CCDC91: variants seen among roughly 807,000 people sequenced by gnomAD.
CCDC91 encodes the protein coiled-coil domain containing 91, also known as coiled-coil domain-containing protein 91.
A neutral mutation model predicts 63.2 loss-of-function variants in CCDC91; 48 were observed. That is an observed-to-expected ratio of 0.76 (90% CI 0.60 to 0.97). CCDC91 has a LOEUF of 0.97. Among genes scored for constraint, CCDC91 ranks in the 50% least tolerant of loss-of-function variants. CCDC91 has a pLI of 0.00. For synonymous variants in CCDC91, 167 were observed against 165.8 expected, an observed-to-expected ratio of 1.01 and a Z score of -0.06; for missense variants, 500 against 494.6, an observed-to-expected ratio of 1.01 and a Z score of -0.10.
At chr12:28,310,107 T>C (rs1565776802) in intron 6 of CCDC91, among the ~76,000 whole-genome samples, 3 of 152,032 alleles carry the variant, frequency 2.0e-5, no homozygotes, top group Non-Finnish European at 1.5e-5. Flanking sequence ...ACTAATTACA[T>C]TGTGTATAGC....
intron 1 of CCDC91, among the ~76,000 whole-genome samples, chr12:28,207,714 C>T (rs1942955934): frequency 6.6e-6 from 1 of 152,134 alleles, no homozygotes; most frequent in Non-Finnish European, 1.5e-5. Context: ...TAAGTCACCA[C>T]ATCAATATAT....
chr12:28,267,604 G>T (rs1165377987), intron 3 of CCDC91, among the ~76,000 whole-genome samples: 2 of 138,676 alleles, frequency 1.4e-5, no homozygotes, highest in African/African-American at 5.3e-5. Context: ...ACTCTGAACA[G>T]TGTCAAAATT....
At chr12:28,341,921 G>C (rs1409536440) in intron 6 of CCDC91, among the ~76,000 whole-genome samples, 4 of 151,572 alleles carry the variant, frequency 2.6e-5, no homozygotes, top group Non-Finnish European at 5.9e-5. Flanking sequence ...GCAAAATATT[G>C]CCCTCTTAAG....
At chr12:28,549,004 T>C (rs1943169583) in intron 12 of CCDC91, 59 bp from the exon 13 acceptor site, 4 of 1,167,074 alleles carry the variant, frequency 3.4e-6, no homozygotes, top group African/African-American at 1.5e-5. Flanking sequence ...TAATATTCTT[T>C]ATCCTTCAAC....
intron 1 of CCDC91, among the ~76,000 whole-genome samples, chr12:28,219,556 C>T (rs534735618): frequency 6.7e-6 from 1 of 148,698 alleles, no homozygotes; most frequent in Non-Finnish European, 1.5e-5. Flanking sequence ...ACTGCAAGCT[C>T]TGCCTCCTGG....
rs536035632 is a variant in CCDC91, at chr12:28,278,954, A to G, written c.109+19512A>G. On this transcript the variant is annotated intron_variant, in intron 3 of 12. Transcript: ENST00000536442. The stretch of plus-strand genomic sequence containing the variant: ...CATGCATACATATTATATAACTTAT[A>G]TACAGGTATATTAATATGTACAATA... 5.9e-5 allele frequency among the ~76,000 whole-genome samples: 9 copies of G among 152,194 alleles called. No individual in the cohort carries two copies. The South Asian group carries it at 1.7e-3, about 28-fold the overall frequency.
At chr12:28,342,740 CAGTAAT>C (rs1942524847) in intron 6 of CCDC91, among the ~76,000 whole-genome samples, 2 of 151,696 alleles carry the variant, frequency 1.3e-5, no homozygotes, top group African/African-American at 4.8e-5. Context: ...AAAGTTCTTG[CAGTAAT>C]AGTAGGGAAG....
chr12:28,330,310 A>G (rs1431982122), intron 6 of CCDC91, among the ~76,000 whole-genome samples: 2 of 152,132 alleles, frequency 1.3e-5, no homozygotes, highest in Admixed American at 6.6e-5. Context: ...TCGCCATTCT[A>G]ACTGGTGTGA....
At chr12:28,402,040 G>A (rs1476796834) in intron 8 of CCDC91, among the ~76,000 whole-genome samples, 3 of 151,890 alleles carry the variant, frequency 2.0e-5, no homozygotes, top group African/African-American at 7.3e-5. Flanking sequence ...GCAGATTTCT[G>A]GACTCTGAAT....
At chr12:28,341,485 A>G (rs1942421289) in intron 6 of CCDC91, among the ~76,000 whole-genome samples, 1 of 152,230 alleles carries the variant, frequency 6.6e-6, no homozygotes, top group Non-Finnish European at 1.5e-5. Context: ...AGAATAATCC[A>G]GGATAATCTC....
intron 5 of CCDC91, 66 bp downstream of exon 5, chr12:28,307,011 C>G: frequency 9.1e-7 from 1 of 1,095,746 alleles, no homozygotes; most frequent in Non-Finnish European, 1.3e-6. Context: ...TAATCTCAAA[C>G]TCTGATTAAA....
At chr12:28,374,355 T>G (rs1944814142) in intron 7 of CCDC91, among the ~76,000 whole-genome samples, 1 of 152,172 alleles carries the variant, frequency 6.6e-6, no homozygotes, top group African/African-American at 2.4e-5. Flanking sequence ...CATGGATCTT[T>G]GCTGATTTCT....
At chr12:28,318,650 T>A (rs1300947495) in intron 6 of CCDC91, among the ~76,000 whole-genome samples, 1 of 152,024 alleles carries the variant, frequency 6.6e-6, no homozygotes, top group African/African-American at 2.4e-5. Flanking sequence ...GTTATGAGAA[T>A]TAACAATATA....
chr12:28,396,952 T>C (rs1483391433), intron 8 of CCDC91, among the ~76,000 whole-genome samples: 1 of 152,068 alleles, frequency 6.6e-6, no homozygotes, highest in Admixed American at 6.6e-5. Context: ...ATAGATGAAT[T>C]TGAAAGTCAT....
intron 3 of CCDC91, among the ~76,000 whole-genome samples, chr12:28,275,476 G>T (rs1948143440): frequency 6.6e-6 from 1 of 152,020 alleles, no homozygotes; most frequent in Non-Finnish European, 1.5e-5. Flanking sequence ...GAGGCAGTAA[G>T]TAATAGCTTA....
intron 12 of CCDC91, among the ~76,000 whole-genome samples, chr12:28,533,090 A>G (rs1427387392): frequency 6.6e-6 from 1 of 152,094 alleles, no homozygotes; most frequent in Non-Finnish European, 1.5e-5. Flanking sequence ...GGCACTGTTG[A>G]TTAGTTACGG....
At chr12:28,220,484 G>T (rs1024642925) in intron 1 of CCDC91, among the ~76,000 whole-genome samples, 3 of 151,780 alleles carry the variant, frequency 2.0e-5, no homozygotes, top group African/African-American at 7.3e-5. Flanking sequence ...TATATATTCA[G>T]TTATCTTTAA....
intron 3 of CCDC91, among the ~76,000 whole-genome samples, chr12:28,266,610 A>T (rs1366214299): frequency 1.3e-5 from 2 of 151,994 alleles, no homozygotes; most frequent in Non-Finnish European, 2.9e-5. Context: ...ATCTTTTAAC[A>T]ATCAATTACT....
chr12:28,535,149 G>A (rs1379698897), intron 12 of CCDC91, among the ~76,000 whole-genome samples: 1 of 152,170 alleles, frequency 6.6e-6, no homozygotes, highest in Admixed American at 6.5e-5. Context: ...GATGTTTAAT[G>A]TGTATAGTTT....
Sources: gnomAD v4.1 joint callset for allele counts (sites outside exome capture counted in the v4.1 genomes callset) on GRCh38, gnomAD v4.1.1 for gene constraint, MANE v1.5 for transcripts, NCBI Gene and HGNC (gene_info 2026-07-23, HGNC 2026-07-21) for gene names.